The following ATAD5 variants were observed in gnomAD, a reference collection of about 807,000 sequenced individuals.
ATAD5 encodes the protein ATPase family AAA domain-containing protein 5.
ATAD5 carries 58 observed loss-of-function variants against 176.9 expected under a neutral mutation model. The ratio of observed to expected loss-of-function variants is 0.33; its 90% CI spans 0.27 to 0.41. The LOEUF is 0.41. Among genes scored for constraint, ATAD5 ranks in the 10% least tolerant of loss-of-function variants. The probability of loss-of-function intolerance (pLI) is 1.00; values close to 1 mark genes in which losing one functional copy is unlikely to be tolerated. For synonymous variants in ATAD5, 640 were observed against 712.6 expected (o/e 0.90, Z 1.62); for missense variants, 1,789 against 2,094.1 (o/e 0.85, Z 2.84).
rs565708502 is a variant in ATAD5, at chr17:30,837,265, C to G, written c.2027C>G (p.Ser676Cys). The G allele has an allele frequency of 2.5e-6, 4 of 1,580,958 alleles. No individual in the cohort carries two copies. In the African/African-American group the frequency reaches 4.1e-5, roughly 16 times the overall value. ...TCTAAGAAAAAATCTAACAAAAGAT[C>G]TGAGAAATCTGAAGCAACTGATGGA... ...KKSKKKSNKR[S>C]EKSEATDGGF... Residue 676 changes from serine to cysteine, a missense_variant, in exon 3 of 23, where the codon TCT (serine) becomes TGT (cysteine). Physicochemically the swap from Ser to Cys is moderately radical, Grantham distance 112. Transcript: ENST00000321990.
intron 18 of ATAD5, among the ~76,000 whole-genome samples, chr17:30,881,630 T>C (rs778302364): frequency 6.6e-6 from 1 of 152,076 alleles, no homozygotes; most frequent in Non-Finnish European, 1.5e-5. Flanking sequence ...TTGTGTTTCT[T>C]AGCTGGAGGC....
intron 1 of ATAD5, among the ~76,000 whole-genome samples, chr17:30,833,137 AGTT>A (rs1006068877): frequency 5.9e-5 from 9 of 151,880 alleles, no homozygotes; most frequent in African/African-American, 2.2e-4. Flanking sequence ...AACTGCGACC[AGTT>A]GTTTTTTTCA....
intron 6 of ATAD5, among the ~76,000 whole-genome samples, chr17:30,851,585 T>C (rs960620826): frequency 2.0e-5 from 3 of 151,848 alleles, no homozygotes; most frequent in Non-Finnish European, 2.9e-5. Context: ...GTTGGGCAGA[T>C]TGCTTGAGAG....
rs1234528320 is a variant in ATAD5, at chr17:30,834,796, A to C, written c.715A>C (p.Met239Leu). The C allele has an allele frequency of 6.2e-7, 1 of 1,614,088 alleles. No individual in the cohort carries two copies. The highest frequency in any genetic ancestry group is 8.5e-7 in the Non-Finnish European group (1 of 1,179,974). The change falls in exon 2 of 23, where the codon ATG becomes CTG. Residue 239 changes from methionine (M) to leucine (L), a missense_variant. Met to Leu is a conservative substitution (Grantham distance 15, BLOSUM62 2). Coordinates refer to ENST00000321990, the MANE Select transcript of ATAD5 (RefSeq NM_024857.5). Reference sequence around the variant, plus strand: ...AAAAGATGGTAAAGATACTAAACAGATGGAGAATACTACAAGCCATGCAAA... The same window carrying C: ...AAAAGATGGTAAAGATACTAAACAGCTGGAGAATACTACAAGCCATGCAAA... ...LKKDGKDTKQ[M>L]ENTTSHANSR...
At chr17:30,891,135 G>A (rs952591538) in intron 19 of ATAD5, among the ~76,000 whole-genome samples, 2 of 152,084 alleles carry the variant, frequency 1.3e-5, no homozygotes, top group African/African-American at 4.8e-5. Context: ...GGTCACAAAC[G>A]GTGTATATAC....
At chr17:30,833,303 G>A (rs1248868062) in intron 1 of ATAD5, among the ~76,000 whole-genome samples, 4 of 152,066 alleles carry the variant, frequency 2.6e-5, no homozygotes, top group Admixed American at 2.6e-4. Context: ...TATGTGGTCT[G>A]TTTTATCAAT....
intron 6 of ATAD5, among the ~76,000 whole-genome samples, chr17:30,853,356 T>C (rs1317008244): frequency 6.6e-6 from 1 of 151,858 alleles, no homozygotes; most frequent in African/African-American, 2.4e-5. Context: ...AATATGTATA[T>C]TTTTTATTAG....
intron 19 of ATAD5, 34 bp from the exon 20 acceptor site, chr17:30,892,573 A>C (rs201163874): frequency 1.4e-6 from 2 of 1,457,088 alleles, no homozygotes; most frequent in Non-Finnish European, 1.8e-6. Context: ...TGTTTAATAC[A>C]TATATAGAGC....
At chr17:30,890,146 C>G (rs535641755) in intron 19 of ATAD5, among the ~76,000 whole-genome samples, 74 of 151,904 alleles carry the variant, frequency 4.9e-4, no homozygotes, top group Middle Eastern at 3.4e-3. Context: ...CTCTTGGGCT[C>G]CCAAAGTGCT....
intron 19 of ATAD5, among the ~76,000 whole-genome samples, chr17:30,892,309 C>T (rs538183246): frequency 7.9e-5 from 12 of 151,584 alleles, no homozygotes; most frequent in South Asian, 6.3e-4. Flanking sequence ...CCTGTAATCC[C>T]GGCTACTCGG....
intron 18 of ATAD5, among the ~76,000 whole-genome samples, chr17:30,886,611 C>G (rs1001724762): frequency 2.6e-5 from 4 of 151,712 alleles, no homozygotes; most frequent in African/African-American, 9.7e-5. Flanking sequence ...TTGCCTCAGC[C>G]TCTCTCAATT....
At chr17:30,865,103 C>T (rs537791295) in intron 10 of ATAD5, among the ~76,000 whole-genome samples, 67 of 149,482 alleles carry the variant, frequency 4.5e-4, no homozygotes, top group African/African-American at 1.6e-3. Flanking sequence ...GGTATATACC[C>T]AGTAATGTGA....
At chr17:30,836,154 T>A in intron 2 of ATAD5, 106 bp downstream of exon 2, 1 of 948,266 alleles carries the variant, frequency 1.1e-6, no homozygotes, top group Non-Finnish European at 1.5e-6. Context: ...AGAACACAGC[T>A]GTTTAAAAGA....
At chr17:30,846,400 T>G (rs1411895603) in intron 6 of ATAD5, among the ~76,000 whole-genome samples, 1 of 151,932 alleles carries the variant, frequency 6.6e-6, no homozygotes, top group African/African-American at 2.4e-5. Flanking sequence ...TTTGAGGTTT[T>G]TTTTTTTTTC....
In ATAD5 at chr17:30,889,734, C is replaced by T. The variant is rs113666763; in HGVS notation, c.4258+2362C>T. Among the ~76,000 whole-genome samples the T allele has an allele frequency of 1.3e-4, 19 of 151,930 alleles. No individual in the cohort carries two copies. In the South Asian group the frequency reaches 2.3e-3, roughly 18 times the overall value. Reference sequence around the variant, plus strand: ...GTTTGGTTTCCATGCTCCATAGTCACGGTTTTGTAGTTACAGATCCTATTC... The same window carrying T: ...GTTTGGTTTCCATGCTCCATAGTCATGGTTTTGTAGTTACAGATCCTATTC... On this transcript the variant is annotated intron_variant, in intron 19 of 22. Transcript: ENST00000321990.
At chr17:30,833,937 C>A (rs1905531932) in intron 1 of ATAD5, among the ~76,000 whole-genome samples, 1 of 152,174 alleles carries the variant, frequency 6.6e-6, no homozygotes, top group Non-Finnish European at 1.5e-5. Flanking sequence ...CCGCCTTGGC[C>A]TCCTGAAGTA....
At chr17:30,880,094 G>A (rs1311462837) in intron 18 of ATAD5, among the ~76,000 whole-genome samples, 1 of 151,768 alleles carries the variant, frequency 6.6e-6, no homozygotes, top group Non-Finnish European at 1.5e-5. Context: ...TTGAGCTCTG[G>A]AGTTCGAGAC....
intron 19 of ATAD5, among the ~76,000 whole-genome samples, chr17:30,889,878 TTTTC>T (rs1172043944): frequency 6.1e-5 from 9 of 146,352 alleles, no homozygotes; most frequent in East Asian, 5.9e-4. Context: ...TTTTCTTTTC[TTTTC>T]TTTCTTTTTT....
At chr17:30,854,652 G>A (rs1033262940) in intron 6 of ATAD5, among the ~76,000 whole-genome samples, 1 of 151,550 alleles carries the variant, frequency 6.6e-6, no homozygotes, top group Non-Finnish European at 1.5e-5. Flanking sequence ...GATTACAGGC[G>A]TGAGCCACCA....
Sources: gnomAD v4.1 joint callset for allele counts (sites outside exome capture counted in the v4.1 genomes callset) on GRCh38, gnomAD v4.1.1 for gene constraint, MANE v1.5 for transcripts, NCBI Gene and HGNC (gene_info 2026-07-23, HGNC 2026-07-21) for gene names.